The following PPP1R9A variants were observed in gnomAD, a reference collection of about 807,000 sequenced individuals.
PPP1R9A encodes neurabin-1.
PPP1R9A carries 59 observed loss-of-function variants against 141.9 expected under a neutral mutation model. That is an observed-to-expected ratio of 0.42 (90% CI 0.34 to 0.52). The LOEUF is 0.52. PPP1R9A is among the 20% of genes least tolerant of loss of function. The pLI, the probability that PPP1R9A is intolerant of heterozygous loss-of-function variation, is 0.10. For missense variants in PPP1R9A, 1,444 were observed against 1,611.9 expected, an observed-to-expected ratio of 0.90 and a Z score of 1.78; for synonymous variants, 500 against 569.7, an observed-to-expected ratio of 0.88 and a Z score of 1.74.
intron 5 of PPP1R9A, among the ~76,000 whole-genome samples, chr7:95,169,481 G>A (rs1831784799): frequency 6.6e-6 from 1 of 151,778 alleles, no homozygotes; most frequent in South Asian, 2.1e-4. Flanking sequence ...TTCAGTAGCA[G>A]AAAGTTAATA....
rs777007502 is a variant in PPP1R9A at position 94,910,094 on chromosome 7, T to A, written c.-20T>A. 1 of 1,582,062 alleles carries A rather than the reference T, an allele frequency of 6.3e-7. No homozygotes were observed. The highest frequency in any genetic ancestry group is 1.2e-5 in the South Asian group (1 of 86,936). ...TTCTTTGATCATTATGAACATTGGC[T>A]TTTCACCCCTGAAGTGAAAATGTTG... is the stretch of plus-strand genomic sequence containing the variant. On this transcript the variant is annotated 5_prime_UTR_variant, in exon 2 of 20. Transcript: ENST00000433360. The surrounding 1 kb of genome is among the most constrained non-coding windows in gnomAD (Gnocchi z 4.5).
chr7:95,095,661 G>A (rs1172738089), intron 2 of PPP1R9A, among the ~76,000 whole-genome samples: 1 of 152,200 alleles, frequency 6.6e-6, no homozygotes, highest in Non-Finnish European at 1.5e-5. Context: ...AAATGGAAGG[G>A]ACAATCTGTA....
At position 95,295,897 on chromosome 7, in the gene PPP1R9A, T is replaced by C. The variant is rs1188827629; in HGVS notation, c.*5594T>C. ...AACATTATTTAATATAACTACTGCTTTTATATTTTTTAATGGTGTTGCAAC... is the reference window on the plus strand; with the variant it reads ...AACATTATTTAATATAACTACTGCTCTTATATTTTTTAATGGTGTTGCAAC... On this transcript the variant is annotated 3_prime_UTR_variant, in exon 20 of 20. Coordinates refer to ENST00000433360, the MANE Select transcript of PPP1R9A (RefSeq NM_001166160.2). The C allele has an allele frequency of 6.5e-6, 1 of 152,672 alleles. No homozygotes were observed. The highest frequency in any genetic ancestry group is 1.5e-5 in the Non-Finnish European group (1 of 68,038). The allele number at this position is 152,672 out of a possible 1,614,324, so 9.5% of individuals were successfully genotyped here.
chr7:95,171,959 G>A (rs907863226), intron 5 of PPP1R9A, among the ~76,000 whole-genome samples: 3 of 151,586 alleles, frequency 2.0e-5, no homozygotes, highest in East Asian at 3.9e-4. Context: ...TTGTTTGAAT[G>A]TATGGTTGAT....
chr7:95,277,424 T>TTTGG (rs1803405246), intron 16 of PPP1R9A, among the ~76,000 whole-genome samples: 1 of 152,082 alleles, frequency 6.6e-6, no homozygotes, highest in Non-Finnish European at 1.5e-5. Context: ...GGCATTGTCT[T>TTTGG]TTTGTTTGTT....
intron 2 of PPP1R9A, among the ~76,000 whole-genome samples, chr7:95,044,246 T>C (rs1427079673): frequency 6.6e-6 from 1 of 152,202 alleles, no homozygotes; most frequent in African/African-American, 2.4e-5. Flanking sequence ...ACCTATTTAC[T>C]AAAAAGAATG....
intron 5 of PPP1R9A, among the ~76,000 whole-genome samples, chr7:95,163,208 A>G (rs1339674390): frequency 6.6e-6 from 1 of 152,214 alleles, no homozygotes; most frequent in African/African-American, 2.4e-5. Context: ...TTGTAGTTAC[A>G]TGAAACCATA....
chr7:94,933,656 T>G (rs1272392813), intron 2 of PPP1R9A, among the ~76,000 whole-genome samples: 1 of 152,206 alleles, frequency 6.6e-6, no homozygotes, highest in Non-Finnish European at 1.5e-5. Flanking sequence ...ATAGATAACA[T>G]TCACCATACC....
Position 95,010,387 on chromosome 7 carries a change from G to C in PPP1R9A, c.1395+98879G>C, listed in dbSNP as rs137904478. Among the ~76,000 whole-genome samples the C allele has an allele frequency of 2.9e-3, 437 of 152,110 alleles. 4 individuals are homozygous for C. Among genetic ancestry groups the C allele is most frequent in the African/African-American group, 0.01 (419 of 41,490 alleles). ...CCACTGCACTCCAGCCTGGGTAACA[G>C]AGTGAGACTCTAGACCCATCAGAGA... On this transcript the variant is annotated intron_variant, in intron 2 of 19. Transcript: ENST00000433360.
intron 2 of PPP1R9A, among the ~76,000 whole-genome samples, chr7:94,934,703 A>G (rs766900238): frequency 6.6e-6 from 1 of 152,084 alleles, no homozygotes; most frequent in Non-Finnish European, 1.5e-5. Flanking sequence ...GGAACTACAT[A>G]TATGTCTGTG....
At chr7:95,223,411 A>G (rs1220303486) in intron 7 of PPP1R9A, among the ~76,000 whole-genome samples, 2 of 152,068 alleles carry the variant, frequency 1.3e-5, no homozygotes, top group Non-Finnish European at 2.9e-5. Context: ...GGTTGTTAGT[A>G]TAATATACTA....
chr7:95,108,804 T>A (rs1220996939), intron 2 of PPP1R9A: 1 of 152,172 alleles, frequency 6.6e-6, no homozygotes, highest in African/African-American at 2.4e-5. Context: ...AGTTATTTAT[T>A]TGAAACAGTT....
At chr7:95,093,798 T>C (rs1250008693) in intron 2 of PPP1R9A, among the ~76,000 whole-genome samples, 8 of 152,200 alleles carry the variant, frequency 5.3e-5, no homozygotes, top group Non-Finnish European at 1.2e-4. Flanking sequence ...GAACTATGCA[T>C]AAGACTTCTT....
chr7:95,078,772 T>C (rs1815281532), intron 2 of PPP1R9A, among the ~76,000 whole-genome samples: 1 of 151,122 alleles, frequency 6.6e-6, no homozygotes, highest in South Asian at 2.1e-4. Flanking sequence ...GCTGCATAAA[T>C]GTCTTCTTTT....
At chr7:95,270,862 G>A (rs146307177) in intron 14 of PPP1R9A, among the ~76,000 whole-genome samples, 198 of 152,204 alleles carry the variant, frequency 1.3e-3, no homozygotes, top group African/African-American at 4.7e-3. Flanking sequence ...ATAGAAACTG[G>A]CTTTTTTAAA....
At chr7:95,118,818 A>C (rs1458212958) in intron 3 of PPP1R9A, among the ~76,000 whole-genome samples, 2 of 151,006 alleles carry the variant, frequency 1.3e-5, no homozygotes, top group East Asian at 3.9e-4. Context: ...AAAAAAAAAA[A>C]AAAAAACACA....
intron 5 of PPP1R9A, 56 bp from the exon 6 acceptor site, chr7:95,198,292 TA>T: frequency 6.7e-7 from 1 of 1,499,968 alleles, no homozygotes; most frequent in East Asian, 2.3e-5. Context: ...TTACTTTTCT[TA>T]AAACTCCTTT....
chr7:95,046,883 A>C (rs1810096264), intron 2 of PPP1R9A, among the ~76,000 whole-genome samples: 1 of 152,216 alleles, frequency 6.6e-6, no homozygotes. Context: ...GTTTATAACC[A>C]CCTTGGTAGA....
At chr7:95,207,317 A>C (rs550758896) in intron 7 of PPP1R9A, among the ~76,000 whole-genome samples, 10 of 152,324 alleles carry the variant, frequency 6.6e-5, no homozygotes, top group Non-Finnish European at 2.9e-5. Flanking sequence ...CCAATTGCAT[A>C]TAACTTATTC....
Sources: gnomAD v4.1 joint callset for allele counts (sites outside exome capture counted in the v4.1 genomes callset) on GRCh38, gnomAD v4.1.1 for gene constraint, Gnocchi (gnomAD v3.1) non-coding constraint, MANE v1.5 for transcripts, NCBI Gene and HGNC (gene_info 2026-07-23, HGNC 2026-07-21) for gene names.